Variants in HIPK2 observed in about 807,000 individuals in gnomAD.
HIPK2 encodes homeodomain interacting protein kinase 2, also known as homeodomain-interacting protein kinase 2.
A neutral mutation model predicts 113.7 loss-of-function variants in HIPK2; 27 were observed. That is an observed-to-expected ratio of 0.24 (90% CI 0.17 to 0.33). The LOEUF (loss-of-function observed/expected upper bound fraction) is 0.33. HIPK2 is among the 10% of genes least tolerant of loss of function. The pLI is 1.00. For synonymous variants in HIPK2, 631 were observed against 642.2 expected (o/e 0.98, Z 0.26); for missense variants, 1,257 against 1,588.0 (o/e 0.79, Z 3.54).
At chr7:139,701,293 GAGA>G (rs2116848932) in intron 2 of HIPK2, among the ~76,000 whole-genome samples, 1 of 152,328 alleles carries the variant, frequency 6.6e-6, no homozygotes, top group African/African-American at 2.4e-5. Flanking sequence ...ATAGCGGGAG[GAGA>G]AGAACAGGGA....
At chr7:139,759,956 T>C (rs1796436287) in intron 1 of HIPK2, among the ~76,000 whole-genome samples, 1 of 152,130 alleles carries the variant, frequency 6.6e-6, no homozygotes, top group South Asian at 2.1e-4. Context: ...AGAGAATGAT[T>C]TAACAATTTT....
At chr7:139,686,354 A>C (rs1323594310) in intron 2 of HIPK2, among the ~76,000 whole-genome samples, 1 of 152,260 alleles carries the variant, frequency 6.6e-6, no homozygotes, top group Non-Finnish European at 1.5e-5. Context: ...TTTCTGGTGA[A>C]GATGCTGTGA....
Position 139,714,479 on chromosome 7 carries a change from G to C in HIPK2, c.1103+1453C>G, listed in dbSNP as rs1193450208. Reference sequence around the variant, plus strand: ...CAACAGCTCTGCCTGCAGCCAGGATGGGGGCCCGGACAGGGAGCAAGAAGG... The same window carrying C: ...CAACAGCTCTGCCTGCAGCCAGGATCGGGGCCCGGACAGGGAGCAAGAAGG... On this transcript the variant is annotated intron_variant, in intron 2 of 14. Transcript: ENST00000406875. The surrounding 1 kb of genome is among the most constrained non-coding windows in gnomAD (Gnocchi z 4.2). Among the ~76,000 whole-genome samples, 1 of 152,150 alleles carries C rather than the reference G, an allele frequency of 6.6e-6. No individual in the cohort carries two copies. Among genetic ancestry groups the C allele is most frequent in the East Asian group, 1.9e-4 (1 of 5,180 alleles).
At chr7:139,583,116 A>T (rs1013879850) in intron 13 of HIPK2, among the ~76,000 whole-genome samples, 2 of 152,266 alleles carry the variant, frequency 1.3e-5, no homozygotes, top group Non-Finnish European at 2.9e-5. Context: ...CGGGACGCGC[A>T]GACTTCTTCT....
chr7:139,590,320 T>C (rs1798974242), intron 12 of HIPK2, among the ~76,000 whole-genome samples: 1 of 152,196 alleles, frequency 6.6e-6, no homozygotes, highest in Non-Finnish European at 1.5e-5. Context: ...TGGCAATAGA[T>C]AATTTTCATC....
intron 5 of HIPK2, among the ~76,000 whole-genome samples, chr7:139,627,105 A>G (rs1800458823): frequency 6.6e-6 from 1 of 152,196 alleles, no homozygotes; most frequent in Admixed American, 6.5e-5. Context: ...TGCAGCTTTC[A>G]TCACTCCTCA....
chr7:139,594,288 CTTGT>C (rs1569448455), intron 12 of HIPK2, among the ~76,000 whole-genome samples: 1 of 152,264 alleles, frequency 6.6e-6, no homozygotes. Flanking sequence ...TGTGTTTCGT[CTTGT>C]TTATTACCCT....
chr7:139,754,549 G>A (rs1251936629), intron 1 of HIPK2, among the ~76,000 whole-genome samples: 2 of 152,232 alleles, frequency 1.3e-5, no homozygotes, highest in Non-Finnish European at 2.9e-5. Flanking sequence ...GAAAAGCTAA[G>A]TGTGTGAGAG....
chr7:139,628,324 A>T (rs983757896), intron 5 of HIPK2, among the ~76,000 whole-genome samples: 3 of 152,240 alleles, frequency 2.0e-5, no homozygotes, highest in Admixed American at 6.5e-5. Flanking sequence ...GGAAACATAC[A>T]CACTAAATTA....
At chr7:139,712,829 C>T (rs896565512) in intron 2 of HIPK2, among the ~76,000 whole-genome samples, 3 of 152,266 alleles carry the variant, frequency 2.0e-5, no homozygotes, top group East Asian at 1.9e-4. Context: ...CTCGAAAAAT[C>T]GGATCGATCT....
chr7:139,591,199 C>T (rs953311790), intron 12 of HIPK2, among the ~76,000 whole-genome samples: 14 of 152,272 alleles, frequency 9.2e-5, no homozygotes, highest in Admixed American at 2.6e-4. Flanking sequence ...TATGTCTACA[C>T]GTGTGTGTAT....
At position 139,630,107 on chromosome 7, in the gene HIPK2, C is replaced by T. The variant is rs1050497681; in HGVS notation, c.1347+1058G>A. ...CACCCTGCTGCAAAAAAAGAAATAC[C>T]TAAAATGAAACATATTTAAGACTTT... On this transcript the variant is annotated intron_variant, in intron 4 of 14. Transcript: ENST00000406875. This position sits in a 1 kb window ranked among gnomAD's most constrained non-coding sequence, Gnocchi z 4.0. Among the ~76,000 whole-genome samples the T allele has an allele frequency of 1.3e-5, 2 of 151,954 alleles. No individual in the cohort carries two copies. Among genetic ancestry groups the T allele is most frequent in the Admixed American group, 6.6e-5 (1 of 15,236 alleles).
chr7:139,595,088 T>C (rs1799155600), intron 12 of HIPK2, among the ~76,000 whole-genome samples: 1 of 152,258 alleles, frequency 6.6e-6, no homozygotes, highest in South Asian at 2.1e-4. Context: ...TGGGCACAGA[T>C]GTTGAGAGTC....
At chr7:139,587,957 G>C (rs992424915) in intron 12 of HIPK2, among the ~76,000 whole-genome samples, 2 of 152,094 alleles carry the variant, frequency 1.3e-5, no homozygotes, top group Non-Finnish European at 2.9e-5. Context: ...GTCAAGGCAG[G>C]CAGATCATTT....
intron 2 of HIPK2, among the ~76,000 whole-genome samples, chr7:139,703,501 C>T (rs1794772079): frequency 6.6e-6 from 1 of 152,012 alleles, no homozygotes. Context: ...CAGTTTGTCC[C>T]TCATGTTCTG....
chr7:139,677,964 T>C (rs1802562457), intron 2 of HIPK2, among the ~76,000 whole-genome samples: 1 of 152,264 alleles, frequency 6.6e-6, no homozygotes, highest in South Asian at 2.1e-4. Flanking sequence ...ATTTCTCTGA[T>C]GACCAGTGAT....
At chr7:139,639,220 C>G (rs1174196542) in intron 2 of HIPK2, among the ~76,000 whole-genome samples, 1 of 152,198 alleles carries the variant, frequency 6.6e-6, no homozygotes, top group African/African-American at 2.4e-5. Context: ...CTCTGCTAGT[C>G]TATAAGGCTC....
At chr7:139,608,470 TATTA>T (rs1349494043) in intron 9 of HIPK2, among the ~76,000 whole-genome samples, 3 of 151,568 alleles carry the variant, frequency 2.0e-5, no homozygotes, top group South Asian at 2.1e-4. Context: ...AAGTTTATGG[TATTA>T]ATTAACTTTT....
At chr7:139,771,469 C>T (rs904404218) in intron 1 of HIPK2, among the ~76,000 whole-genome samples, 6 of 151,990 alleles carry the variant, frequency 3.9e-5, no homozygotes, top group Admixed American at 6.6e-5. Flanking sequence ...GAAATGAATG[C>T]GAGCTACAGA....
Sources: gnomAD v4.1 joint callset for allele counts (sites outside exome capture counted in the v4.1 genomes callset) on GRCh38, gnomAD v4.1.1 for gene constraint, Gnocchi (gnomAD v3.1) non-coding constraint, MANE v1.5 for transcripts, NCBI Gene and HGNC (gene_info 2026-07-23, HGNC 2026-07-21) for gene names.